ADD3: variants seen among roughly 807,000 people sequenced by gnomAD.
The protein encoded by ADD3 is adducin 3.
A neutral mutation model predicts 80.2 loss-of-function variants in ADD3; 25 were observed. That is an observed-to-expected ratio of 0.31 (90% CI 0.23 to 0.44). The LOEUF is 0.44. Among genes scored for constraint, ADD3 ranks in the 20% least tolerant of loss-of-function variants. The probability of loss-of-function intolerance (pLI) is 1.00; values close to 1 mark genes in which losing one functional copy is unlikely to be tolerated. For missense variants in ADD3, 829 were observed against 847.5 expected, an observed-to-expected ratio of 0.98 and a Z score of 0.27; for synonymous variants, 284 against 289.6, an observed-to-expected ratio of 0.98 and a Z score of 0.20.
intron 1 of ADD3, among the ~76,000 whole-genome samples, chr10:110,021,946 A>G (rs77008806): frequency 0.011 from 1,732 of 152,356 alleles, 24 homozygotes; most frequent in African/African-American, 0.039. Context: ...AAGAATAACT[A>G]AAATAACTTA....
chr10:110,015,152 G>C (rs1488595995), intron 1 of ADD3, among the ~76,000 whole-genome samples: 1 of 152,162 alleles, frequency 6.6e-6, no homozygotes, highest in Non-Finnish European at 1.5e-5. Context: ...TTAAATTGGA[G>C]ATTGCACTAA....
At chr10:110,096,157 A>AT (rs1021076522) in intron 1 of ADD3, among the ~76,000 whole-genome samples, 4 of 152,150 alleles carry the variant, frequency 2.6e-5, no homozygotes, top group Admixed American at 6.5e-5. Flanking sequence ...ATATAAAAAT[A>AT]TTTTTTTGGA....
intron 2 of ADD3, among the ~76,000 whole-genome samples, chr10:110,110,206 G>A (rs1172462106): frequency 6.6e-6 from 1 of 152,130 alleles, no homozygotes; most frequent in Non-Finnish European, 1.5e-5. Context: ...TCTTTCTCTT[G>A]GAATTTCTGC....
rs546007523 is a variant in ADD3 at position 110,082,024 on chromosome 10, C to T, written c.-29-18601C>T. On this transcript the variant is annotated intron_variant, in intron 1 of 14. Transcript: ENST00000356080. ...GAAGTCTCATTACCCTGGTCTGTTA[C>T]GCAGTCCCAGAAGGCACTGCTGTTT... Among the ~76,000 whole-genome samples, 9 of 152,284 alleles carry T rather than the reference C, an allele frequency of 5.9e-5. No individual in the cohort carries two copies. The South Asian group carries it at 8.3e-4, about 14-fold the overall frequency.
chr10:110,124,900 CTT>C (rs1360990256), intron 10 of ADD3, among the ~76,000 whole-genome samples: 4 of 152,134 alleles, frequency 2.6e-5, no homozygotes, highest in Non-Finnish European at 5.9e-5. Flanking sequence ...AATTTGTAAA[CTT>C]TATTAAAACA....
intron 1 of ADD3, among the ~76,000 whole-genome samples, chr10:110,013,536 C>T (rs1424722250): frequency 6.6e-6 from 1 of 152,136 alleles, no homozygotes; most frequent in East Asian, 1.9e-4. Flanking sequence ...AGGACAGTAA[C>T]ATAATGTCTT....
chr10:110,130,171 T>G (rs1852766743), intron 12 of ADD3, among the ~76,000 whole-genome samples, 192 bp from the exon 13 acceptor site: 1 of 152,172 alleles, frequency 6.6e-6, no homozygotes, highest in Non-Finnish European at 1.5e-5. Context: ...GTCCATTGGA[T>G]TAGTAGTTTA....
At chr10:110,050,832 A>G (rs1467382002) in intron 1 of ADD3, among the ~76,000 whole-genome samples, 2 of 152,082 alleles carry the variant, frequency 1.3e-5, no homozygotes, top group Non-Finnish European at 2.9e-5. Flanking sequence ...AGTGTCAGGT[A>G]TGTTTTTTTA....
chr10:110,073,088 G>A (rs1438147387), intron 1 of ADD3, among the ~76,000 whole-genome samples: 1 of 149,722 alleles, frequency 6.7e-6, no homozygotes, highest in Non-Finnish European at 1.5e-5. Flanking sequence ...TATCTCCATT[G>A]CCACTAGTTG....
At chr10:110,026,463 AGAG>A (rs1007085941) in intron 1 of ADD3, among the ~76,000 whole-genome samples, 4 of 151,960 alleles carry the variant, frequency 2.6e-5, no homozygotes. Flanking sequence ...TATTTTTAGT[AGAG>A]ATGGGGTGTC....
chr10:110,026,551 A>G (rs1321697981), intron 1 of ADD3, among the ~76,000 whole-genome samples: 1 of 152,142 alleles, frequency 6.6e-6, no homozygotes, highest in Non-Finnish European at 1.5e-5. Context: ...AAGTGCTGGG[A>G]TTACAGACGT....
At chr10:110,107,764 A>G (rs1590153396) in intron 2 of ADD3, among the ~76,000 whole-genome samples, 1 of 152,186 alleles carries the variant, frequency 6.6e-6, no homozygotes. Flanking sequence ...ACATAAGAGC[A>G]TGCAGTACAG....
At chr10:110,035,767 C>T (rs1366040998) in intron 1 of ADD3, among the ~76,000 whole-genome samples, 1 of 139,850 alleles carries the variant, frequency 7.2e-6, no homozygotes, top group Non-Finnish European at 1.5e-5. Flanking sequence ...CCAGGTGTTA[C>T]TATTGGTTTG....
chr10:110,048,055 G>T (rs961006425), intron 1 of ADD3, among the ~76,000 whole-genome samples: 6 of 152,256 alleles, frequency 3.9e-5, no homozygotes, highest in African/African-American at 1.4e-4. Flanking sequence ...GGTCCCAGTG[G>T]GAGATAGTTA....
chr10:110,007,839 A>C (rs970767394), upstream of ADD3: 12 of 136,888 alleles, frequency 8.8e-5, no homozygotes, highest in African/African-American at 3.0e-4. Flanking sequence ...GAGGCTTCGG[A>C]GCCCAAGAGG....
chr10:110,132,948 A>C (rs907385915), intron 14 of ADD3, among the ~76,000 whole-genome samples: 5 of 147,398 alleles, frequency 3.4e-5, no homozygotes, highest in Admixed American at 6.7e-5. Context: ...AAAAAAAAAG[A>C]ATTTGTGGAA....
chr10:110,124,138 T>C lies in ADD3; in HGVS notation c.1265T>C (p.Leu422Pro), dbSNP rs1350809629. The C allele has an allele frequency of 6.2e-7, 1 of 1,613,990 alleles. No homozygotes were observed. Among genetic ancestry groups the C allele is most frequent in the African/African-American group, 1.3e-5 (1 of 74,902 alleles). Residue 422 changes from leucine (L) to proline (P), a missense_variant, in exon 10 of 15, where the codon CTC becomes CCC. By Grantham distance (98) the Leu-to-Pro change is moderately conservative. Coordinates refer to ENST00000356080, the MANE Select transcript of ADD3 (RefSeq NM_016824.5). ...TCCTTTGAAGACGATACAGTGCCAC[T>C]CTCTCCTCTCAAATACATGGCACAG... is the stretch of plus-strand genomic sequence containing the variant. ...AFSFEDDTVP[L>P]SPLKYMAQRQ...
chr10:110,091,527 C>T (rs370406677), intron 1 of ADD3, among the ~76,000 whole-genome samples: 8 of 152,062 alleles, frequency 5.3e-5, no homozygotes, highest in African/African-American at 1.7e-4. Context: ...TAACAAGCAA[C>T]GGGGAAAGGA....
chr10:110,068,051 C>T (rs924291727), intron 1 of ADD3, among the ~76,000 whole-genome samples: 4 of 152,150 alleles, frequency 2.6e-5, no homozygotes, highest in African/African-American at 9.7e-5. Context: ...AAATTGTTCA[C>T]TTGCTCAGTG....
Sources: gnomAD v4.1 joint callset for allele counts (sites outside exome capture counted in the v4.1 genomes callset) on GRCh38, gnomAD v4.1.1 for gene constraint, MANE v1.5 for transcripts, NCBI Gene and HGNC (gene_info 2026-07-23, HGNC 2026-07-21) for gene names.